The following WFDC8 variants were observed in gnomAD, a reference collection of about 807,000 sequenced individuals.
WFDC8 encodes the protein WAP four-disulfide core domain 8, also known as WAP four-disulfide core domain protein 8.
WFDC8 carries 24 observed loss-of-function variants against 27.0 expected under a neutral mutation model. That is an observed-to-expected ratio of 0.89 (90% CI 0.64 to 1.25). The LOEUF is 1.25. WFDC8 is among the 50% of genes most tolerant of loss of function. The pLI, the probability that WFDC8 is intolerant of heterozygous loss-of-function variation, is 0.00. For synonymous variants in WFDC8, 106 were observed against 99.7 expected (o/e 1.06, Z -0.38); for missense variants, 287 against 295.9 (o/e 0.97, Z 0.22).
At chr20:45,560,911 C>A (rs1980442760) in intron 2 of WFDC8, among the ~76,000 whole-genome samples, 1 of 152,196 alleles carries the variant, frequency 6.6e-6, no homozygotes, top group African/African-American at 2.4e-5. Flanking sequence ...CTAGAAAGTG[C>A]ATCCTTGGGA....
intron 3 of WFDC8, among the ~76,000 whole-genome samples, chr20:45,557,388 G>A (rs62205622): frequency 0.027 from 4,099 of 152,150 alleles, 73 homozygotes; most frequent in Non-Finnish European, 0.045. Flanking sequence ...GATTGTAATG[G>A]TTCCTATTTT....
At chr20:45,556,525 C>T (rs562673440) in intron 3 of WFDC8, among the ~76,000 whole-genome samples, 1 of 152,050 alleles carries the variant, frequency 6.6e-6, no homozygotes, top group African/African-American at 2.4e-5. Flanking sequence ...GCAAAGGAGA[C>T]GAGGGCTTTG....
intron 1 of WFDC8, among the ~76,000 whole-genome samples, chr20:45,563,144 G>T (rs777529952): frequency 6.6e-6 from 1 of 152,030 alleles, no homozygotes. Flanking sequence ...TTTGTTGGGG[G>T]AGTTCTAATC....
At position 45,562,518 on chromosome 20, in the gene WFDC8, A is replaced by G. The variant is rs1980510742; in HGVS notation, c.27-299T>C. Among the ~76,000 whole-genome samples, 5 of 142,394 alleles carry G rather than the reference A, an allele frequency of 3.5e-5. No homozygotes were observed. In the South Asian group the frequency reaches 1.0e-3, roughly 29 times the overall value. The allele number at this position is 142,394 out of a possible 152,430, so 93.4% of individuals were successfully genotyped here. ...AAAAGGCCACACTTGAATGATCACAAGGATTTATTTGGAACAGTTGCAGAG... is the reference window on the plus strand; with the variant it reads ...AAAAGGCCACACTTGAATGATCACAGGGATTTATTTGGAACAGTTGCAGAG... On this transcript the variant is annotated intron_variant, in intron 1 of 5. Coordinates refer to ENST00000289953, the MANE Select transcript of WFDC8 (RefSeq NM_130896.3).
rs1179800431 is a variant in WFDC8, at chr20:45,562,128, G to C, written c.118C>G (p.Leu40Val). Reference sequence around the variant, plus strand: ...AACTCACGTTTGATCTTCTTGGTCAGCATTGCAGAAGTCCACTCCAAAGCA... The same window carrying C: ...AACTCACGTTTGATCTTCTTGGTCACCATTGCAGAAGTCCACTCCAAAGCA... ...SLALEWTSAM[L>V]TKKIKHKPGL... is the part of the protein sequence containing the mutation. Residue 40 changes from leucine (L) to valine (V), a missense_variant, in exon 2 of 6, where the codon CTG (leucine) becomes GTG (valine). Leu to Val is a conservative substitution (Grantham distance 32). Coordinates refer to ENST00000289953, the MANE Select transcript of WFDC8 (RefSeq NM_130896.3). 4 of 1,614,094 alleles carry C rather than the reference G, an allele frequency of 2.5e-6. No homozygotes were observed. The South Asian group carries it at 4.4e-5, about 18-fold the overall frequency.
chr20:45,573,666 A>G (rs1980946469), intron 1 of WFDC8, among the ~76,000 whole-genome samples: 1 of 152,124 alleles, frequency 6.6e-6, no homozygotes, highest in African/African-American at 2.4e-5. Context: ...GTGTATATAT[A>G]CCATGTTTTC....
chr20:45,557,872 G>A (rs544554738), intron 3 of WFDC8, among the ~76,000 whole-genome samples: 64 of 152,304 alleles, frequency 4.2e-4, no homozygotes, highest in Non-Finnish European at 9.0e-4. Flanking sequence ...AGCCCCTGAT[G>A]TCTGAAAAGT....
chr20:45,566,151 T>C (rs1777782530), intron 1 of WFDC8, among the ~76,000 whole-genome samples: 1 of 152,102 alleles, frequency 6.6e-6, no homozygotes, highest in Admixed American at 6.6e-5. Flanking sequence ...GCCTTTTTAG[T>C]TAACTTTCTG....
chr20:45,579,139 T>C (rs2145581723), intron 1 of WFDC8, 83 bp downstream of exon 1: 2 of 1,422,252 alleles, frequency 1.4e-6, no homozygotes, highest in East Asian at 2.3e-5. Context: ...AGCCGACCAC[T>C]CTAACTTCTA....
In WFDC8 at chr20:45,558,871, C is replaced by G. The variant is rs1568637153; in HGVS notation, c.258G>C (p.Lys86Asn). 1.2e-6 allele frequency: 2 copies of G among 1,614,170 alleles called. No homozygotes were observed. Among genetic ancestry groups the G allele is most frequent in the Non-Finnish European group, 1.7e-6 (2 of 1,180,018 alleles). The change falls in exon 3 of 6, where the codon AAG (lysine) becomes AAC (asparagine). Residue 86 changes from lysine to asparagine, a missense_variant. By Grantham distance (94) the Lys-to-Asn change is moderately conservative. Transcript: ENST00000289953. Reference sequence around the variant, plus strand: ...CGCTACCTTGAAAGGGATCCATGCACTTCTTCTGACAGGCAAAAAAGCAGC... The same window carrying G: ...CGCTACCTTGAAAGGGATCCATGCAGTTCTTCTGACAGGCAAAAAAGCAGC... ...QKCCFFACQK[K>N]CMDPFQEPCM...
Position 45,558,912 on chromosome 20 carries a change from T to C in WFDC8, c.217A>G (p.Lys73Glu), listed in dbSNP as rs1980366362. ...AAAAAGCAGCACTTCTGGTATTCCT[T>C]GCAGTCAAAATCTGTGTTACATGAG... is the stretch of plus-strand genomic sequence containing the variant. ...PDSCNTDFDC[K>E]EYQKCCFFAC... is the part of the protein sequence containing the mutation. The change falls in exon 3 of 6, where the codon AAG (lysine) becomes GAG (glutamate). Residue 73 changes from lysine to glutamate, a missense_variant. Coordinates refer to ENST00000289953, the MANE Select transcript of WFDC8 (RefSeq NM_130896.3). The C allele has an allele frequency of 1.9e-6, 3 of 1,614,102 alleles. No homozygotes were observed. The highest frequency in any genetic ancestry group is 2.2e-5 in the South Asian group (2 of 91,080).
chr20:45,554,972 G>T (rs757092488), intron 4 of WFDC8, among the ~76,000 whole-genome samples: 1 of 152,072 alleles, frequency 6.6e-6, no homozygotes, highest in Non-Finnish European at 1.5e-5. Context: ...AAGATCACTG[G>T]TCACCATCTC....
rs748021104 is a variant in WFDC8, at chr20:45,552,051, A to G, written c.701T>C (p.Leu234Pro). The G allele has an allele frequency of 1.2e-6, 2 of 1,614,114 alleles. No homozygotes were observed. Among genetic ancestry groups the G allele is most frequent in the Non-Finnish European group, 1.7e-6 (2 of 1,179,956 alleles). ...TCAACGTCTGGGGTCCATACATTTC[A>G]GTCCACAATGTGAGCAGCACTTTTC... Reference protein sequence around the residue: ...LVEKCCSHCGLKCMDPRR With the variant: ...LVEKCCSHCGPKCMDPRR Residue 234 changes from leucine (L) to proline (P), a missense_variant, in exon 6 of 6, where the codon CTG (leucine) becomes CCG (proline). Coordinates refer to ENST00000289953, the MANE Select transcript of WFDC8 (RefSeq NM_130896.3).
chr20:45,572,755 C>T (rs111522756), intron 1 of WFDC8, among the ~76,000 whole-genome samples: 10 of 152,306 alleles, frequency 6.6e-5, no homozygotes, highest in South Asian at 2.1e-4. Context: ...TACAGGCATG[C>T]GCCATCATGC....
rs1213440627 is a variant in WFDC8 at position 45,577,484 on chromosome 20, C to T, written c.26+1738G>A. On this transcript the variant is annotated intron_variant, in intron 1 of 5. Coordinates refer to ENST00000289953, the MANE Select transcript of WFDC8 (RefSeq NM_130896.3). Reference sequence around the variant, plus strand: ...TGCGATCTCGGCTCGCTGCAACCTCCGCCTTCTGGGTTCAAGTGATTCTCC... The same window carrying T: ...TGCGATCTCGGCTCGCTGCAACCTCTGCCTTCTGGGTTCAAGTGATTCTCC... Among the ~76,000 whole-genome samples the T allele has an allele frequency of 6.0e-5, 9 of 150,064 alleles. 1 individual carries two copies. In the South Asian group the frequency reaches 1.7e-3, roughly 28 times the overall value.
intron 1 of WFDC8, among the ~76,000 whole-genome samples, chr20:45,573,803 C>G (rs555605877): frequency 2.0e-4 from 31 of 152,198 alleles, no homozygotes; most frequent in Admixed American, 1.8e-3. Flanking sequence ...GTTCTTGGCA[C>G]CTTTATCAAA....
At position 45,555,855 on chromosome 20, in the gene WFDC8, T is replaced by C; in HGVS notation, c.291A>G (p.Leu97=). The change falls in exon 4 of 6, where the codon CTA becomes CTG. Residue 97 remains leucine, a synonymous_variant. Transcript: ENST00000289953. The part of the protein sequence containing the change: ...CMDPFQEPCM[L]PVRHGNCNHE... The stretch of plus-strand genomic sequence containing the variant: ...GATTACAGTTTCCATGCCTCACAGG[T>C]AGCATGCAGGGTTCTGAGGTCAGGA... 1.2e-6 allele frequency: 2 copies of C among 1,613,778 alleles called. No homozygotes were observed. The highest frequency in any genetic ancestry group is 2.2e-5 in the East Asian group (1 of 44,878).
chr20:45,558,938 T>A lies in WFDC8; in HGVS notation c.191A>T (p.Asp64Val). The A allele has an allele frequency of 6.2e-7, 1 of 1,614,112 alleles. No homozygotes were observed. Among genetic ancestry groups the A allele is most frequent in the Non-Finnish European group, 8.5e-7 (1 of 1,179,996 alleles). Residue 64 changes from aspartate (D) to valine (V), a missense_variant, in exon 3 of 6, where the codon GAC becomes GTC. Coordinates refer to ENST00000289953, the MANE Select transcript of WFDC8 (RefSeq NM_130896.3). ...ERLTCTTELPDSCNTDFDCKE... is the reference protein window; with the variant it reads ...ERLTCTTELPVSCNTDFDCKE... Reference sequence around the variant, plus strand: ...GCAGTCAAAATCTGTGTTACATGAGTCCGGAAGTTCAGTGGTACAGGTGAG... The same window carrying A: ...GCAGTCAAAATCTGTGTTACATGAGACCGGAAGTTCAGTGGTACAGGTGAG...
intron 1 of WFDC8, among the ~76,000 whole-genome samples, chr20:45,567,724 A>C (rs1057141431): frequency 7.2e-5 from 11 of 152,246 alleles, no homozygotes; most frequent in Non-Finnish European, 5.9e-5. Context: ...AAAAACGTAA[A>C]AGCACAGGGA....
Sources: allele counts gnomAD v4.1 joint callset (sites outside exome capture counted in the v4.1 genomes callset), GRCh38; gene constraint gnomAD v4.1.1; transcripts MANE v1.5; gene names NCBI Gene and HGNC (gene_info 2026-07-23, HGNC 2026-07-21).